The following ZNF112 variants were observed in gnomAD, a reference collection of about 807,000 sequenced individuals.
ZNF112 encodes the protein zinc finger protein 112 (Y14).
A neutral mutation model predicts 77.7 loss-of-function variants in ZNF112; 37 were observed. The observed-to-expected ratio is 0.48, with a 90% confidence interval of 0.37 to 0.63. The LOEUF (loss-of-function observed/expected upper bound fraction) is 0.63, where lower values mean the gene tolerates loss of function less well. ZNF112 is among the 20% of genes least tolerant of loss of function. The pLI, the probability that ZNF112 is intolerant of heterozygous loss-of-function variation, is 0.00. For missense variants in ZNF112, 950 were observed against 1,077.4 expected, an observed-to-expected ratio of 0.88 and a Z score of 1.66; for synonymous variants, 333 against 363.6, an observed-to-expected ratio of 0.92 and a Z score of 0.96.
chr19:44,355,234 G>C (rs1175917397), intron 1 of ZNF112, among the ~76,000 whole-genome samples: 6 of 152,114 alleles, frequency 3.9e-5, no homozygotes, highest in Admixed American at 2.6e-4. Flanking sequence ...AGCCTATTTG[G>C]TTAAACATGG....
chr19:44,335,382 G>C (rs187997756), intron 3 of ZNF112, among the ~76,000 whole-genome samples: 1 of 152,140 alleles, frequency 6.6e-6, no homozygotes, highest in African/African-American at 2.4e-5. Flanking sequence ...GACTGGGAGG[G>C]ATTTCCCCAA....
At chr19:44,342,093 A>G (rs1274599793) in intron 1 of ZNF112, among the ~76,000 whole-genome samples, 1 of 152,230 alleles carries the variant, frequency 6.6e-6, no homozygotes, top group Admixed American at 6.5e-5. Flanking sequence ...CAAAGTGCCT[A>G]TATATCCTAT....
At chr19:44,345,549 A>G (rs1344067667) in intron 1 of ZNF112, among the ~76,000 whole-genome samples, 5 of 152,226 alleles carry the variant, frequency 3.3e-5, no homozygotes, top group African/African-American at 9.6e-5. Flanking sequence ...AGAATTCAAA[A>G]GAAAAGGGAA....
chr19:44,358,645 A>G (rs1475961592), upstream of ZNF112, among the ~76,000 whole-genome samples: 23 of 152,248 alleles, frequency 1.5e-4, no homozygotes, highest in Admixed American at 1.5e-3. Flanking sequence ...TCAAGTGCAC[A>G]TAAGATTTGC....
chr19:44,362,008 G>T (rs2123228909), intron 1 of ZNF112, among the ~76,000 whole-genome samples: 1 of 152,132 alleles, frequency 6.6e-6, no homozygotes, highest in East Asian at 1.9e-4. Context: ...TGAATATATG[G>T]CATAGAACTT....
At chr19:44,342,870 G>A (rs1300248123) in intron 1 of ZNF112, among the ~76,000 whole-genome samples, 6 of 151,210 alleles carry the variant, frequency 4.0e-5, no homozygotes, top group South Asian at 2.1e-4. Context: ...AACAGTTTAC[G>A]TCAATAATAT....
Position 44,329,598 on chromosome 19 carries a change from T to G in ZNF112, c.559A>C (p.Asn187His). Residue 187 changes from asparagine to histidine, a missense_variant, in exon 4 of 4, where the codon AAT becomes CAT. By Grantham distance (68) the Asn-to-His change is moderately conservative. Coordinates refer to ENST00000354340, the MANE Select transcript of ZNF112 (RefSeq NM_013380.4). ...WRKMYLKESH[N>H]YQCRCQQISM... ...ATTTGCTGACATCTACACTGATAATTATGTGACTCTTTCAGATACATTTTC... is the reference window on the plus strand; with the variant it reads ...ATTTGCTGACATCTACACTGATAATGATGTGACTCTTTCAGATACATTTTC... 1 of 1,614,156 alleles carries G rather than the reference T, an allele frequency of 6.2e-7. No individual in the cohort carries two copies. Among genetic ancestry groups the G allele is most frequent in the Non-Finnish European group, 8.5e-7 (1 of 1,180,014 alleles).
At position 44,329,336 on chromosome 19, in the gene ZNF112, T is replaced by C; in HGVS notation, c.821A>G (p.His274Arg). The C allele has an allele frequency of 6.2e-7, 1 of 1,613,842 alleles. No homozygotes were observed. Among genetic ancestry groups the C allele is most frequent in the Non-Finnish European group, 8.5e-7 (1 of 1,179,798 alleles). The stretch of plus-strand genomic sequence containing the variant: ...GTATGTATAGGGCTTCCCTTCCAAG[T>C]GGAACTGCTGATGAACCTCAGAGCT... Reference protein sequence around the residue: ...DSSSEVHQQFHLEGKPYTYSS... With the variant: ...DSSSEVHQQFRLEGKPYTYSS... Residue 274 changes from histidine (H) to arginine (R), a missense_variant, in exon 4 of 4, where the codon CAC (histidine) becomes CGC (arginine). By Grantham distance (29) the His-to-Arg change is conservative (BLOSUM62 0). Coordinates refer to ENST00000354340, the MANE Select transcript of ZNF112 (RefSeq NM_013380.4).
intron 1 of ZNF112, among the ~76,000 whole-genome samples, chr19:44,364,110 A>G (rs1252431270): frequency 6.6e-6 from 1 of 152,046 alleles, no homozygotes; most frequent in African/African-American, 2.4e-5. Context: ...GGGTTTCTCC[A>G]TGTTGGCCAG....
chr19:44,332,304 G>C (rs1970285752), intron 3 of ZNF112, among the ~76,000 whole-genome samples: 1 of 152,182 alleles, frequency 6.6e-6, no homozygotes, highest in South Asian at 2.1e-4. Context: ...TGATGAATCT[G>C]TATCACTAGG....
chr19:44,362,487 C>A (rs561837244), intron 1 of ZNF112, among the ~76,000 whole-genome samples: 1 of 151,784 alleles, frequency 6.6e-6, no homozygotes, highest in South Asian at 2.1e-4. Flanking sequence ...AAAGATTGAT[C>A]CTTCTATGGT....
At chr19:44,361,240 A>G (rs557126647), upstream of ZNF112, among the ~76,000 whole-genome samples, 5 of 152,306 alleles carry the variant, frequency 3.3e-5, no homozygotes, top group African/African-American at 1.2e-4. Flanking sequence ...TTTATGGGGA[A>G]GAAAGCATCA....
At chr19:44,343,158 C>T in intron 1 of ZNF112, 2 of 1,381,944 alleles carry the variant, frequency 1.4e-6, no homozygotes, top group Non-Finnish European at 2.0e-6. Flanking sequence ...TGCCTGTTGT[C>T]ATTCTTTACC....
At chr19:44,363,099 A>T (rs1291632781) in intron 1 of ZNF112, among the ~76,000 whole-genome samples, 1 of 152,002 alleles carries the variant, frequency 6.6e-6, no homozygotes, top group Non-Finnish European at 1.5e-5. Context: ...CCTCCAAAGT[A>T]GCTGGGACTA....
chr19:44,345,023 A>G (rs1599928558), intron 1 of ZNF112, among the ~76,000 whole-genome samples: 1 of 152,200 alleles, frequency 6.6e-6, no homozygotes, highest in Admixed American at 6.5e-5. Context: ...AATGGCCAGG[A>G]CTATTAGTCC....
At chr19:44,350,304 T>G (rs1970669136) in intron 1 of ZNF112, among the ~76,000 whole-genome samples, 1 of 152,054 alleles carries the variant, frequency 6.6e-6, no homozygotes, top group Non-Finnish European at 1.5e-5. Flanking sequence ...CATCATCAGT[T>G]GCATGAATTT....
intron 1 of ZNF112, among the ~76,000 whole-genome samples, chr19:44,351,053 T>G (rs990122236): frequency 6.6e-6 from 1 of 152,012 alleles, no homozygotes; most frequent in Non-Finnish European, 1.5e-5. Context: ...CAGGGCTGGT[T>G]GCTTCTCATA....
At chr19:44,358,673 T>C (rs1300419675), upstream of ZNF112, among the ~76,000 whole-genome samples, 2 of 152,362 alleles carry the variant, frequency 1.3e-5, no homozygotes, top group African/African-American at 4.8e-5. Flanking sequence ...AGCAAAATGA[T>C]ACGGGATTTC....
Position 44,326,586 on chromosome 19 carries a change from G to A in ZNF112, c.*847C>T, listed in dbSNP as rs188326480. On this transcript the variant is annotated 3_prime_UTR_variant, in exon 4 of 4. Coordinates refer to ENST00000354340, the MANE Select transcript of ZNF112 (RefSeq NM_013380.4). Reference sequence around the variant, plus strand: ...TTTTGACATTTATTAAAAAGTATTTGTCATCAGTAACCATTTTGGATACTT... The same window carrying A: ...TTTTGACATTTATTAAAAAGTATTTATCATCAGTAACCATTTTGGATACTT... The A allele has an allele frequency of 2.6e-5, 4 of 152,254 alleles. No individual in the cohort carries two copies. Among genetic ancestry groups the A allele is most frequent in the African/African-American group, 7.2e-5 (3 of 41,544 alleles). 9.4% of individuals were successfully genotyped at this position (152,254 alleles called of 1,614,324 possible).
Sources: allele counts gnomAD v4.1 joint callset (sites outside exome capture counted in the v4.1 genomes callset), GRCh38; gene constraint gnomAD v4.1.1; transcripts MANE v1.5; gene names NCBI Gene and HGNC (gene_info 2026-07-23, HGNC 2026-07-21).